Variants in HSF2 observed in about 807,000 individuals in gnomAD.
The protein encoded by HSF2 is heat shock factor protein 2.
A neutral mutation model predicts 65.0 loss-of-function variants in HSF2; 21 were observed. The ratio of observed to expected loss-of-function variants is 0.32; its 90% CI spans 0.23 to 0.47. The LOEUF (loss-of-function observed/expected upper bound fraction) is 0.47, where lower values mean the gene tolerates loss of function less well. Ranked by LOEUF, HSF2 falls within the 20% of genes least tolerant of loss-of-function variation. HSF2 has a pLI of 1.00. For synonymous variants in HSF2, 225 were observed against 219.1 expected (o/e 1.03, Z -0.24); for missense variants, 499 against 628.1 (o/e 0.79, Z 2.20).
intron 7 of HSF2, among the ~76,000 whole-genome samples, chr6:122,421,537 T>A (rs182864509): frequency 6.6e-6 from 1 of 151,984 alleles, no homozygotes; most frequent in Non-Finnish European, 1.5e-5. Context: ...GAATTTATAG[T>A]TTTTTGCATT....
intron 11 of HSF2, among the ~76,000 whole-genome samples, chr6:122,429,932 G>T (rs1322546470): frequency 6.6e-6 from 1 of 152,064 alleles, no homozygotes; most frequent in African/African-American, 2.4e-5. Context: ...GAGGATTTTC[G>T]CATTGATGTT....
intron 10 of HSF2, 151 bp from the exon 11 acceptor site, chr6:122,427,752 T>C (rs1774369122): frequency 4.6e-6 from 2 of 435,962 alleles, no homozygotes; most frequent in Admixed American, 8.6e-5. Context: ...TTTTTCTTTC[T>C]GCTTTTCTCT....
At chr6:122,414,110 A>T (rs1374698892) in intron 4 of HSF2, among the ~76,000 whole-genome samples, 1 of 152,182 alleles carries the variant, frequency 6.6e-6, no homozygotes, top group Non-Finnish European at 1.5e-5. Context: ...TCGGAAAACG[A>T]TGCAGGAGAG....
chr6:122,417,569 T>C (rs1013214047), intron 5 of HSF2, among the ~76,000 whole-genome samples: 5 of 152,148 alleles, frequency 3.3e-5, no homozygotes, highest in Non-Finnish European at 7.4e-5. Context: ...GCTCCTGGAA[T>C]TTACTCTCAG....
chr6:122,400,113 G>A (rs1773691315), intron 1 of HSF2, among the ~76,000 whole-genome samples: 1 of 152,300 alleles, frequency 6.6e-6, no homozygotes, highest in Non-Finnish European at 1.5e-5. Flanking sequence ...GTCCGCGTTC[G>A]GAACCGGCCC....
rs543826325 is a variant in HSF2, at chr6:122,405,712, A to C, written c.93+5882A>C. On this transcript the variant is annotated intron_variant, in intron 1 of 12. Coordinates refer to ENST00000368455, the MANE Select transcript of HSF2 (RefSeq NM_004506.4). ...CCTTTTGCCAGCTGTTTTATAAAAAAAAGTTTAAATAGAACACAGCTATGC... is the reference window on the plus strand; with the variant it reads ...CCTTTTGCCAGCTGTTTTATAAAAACAAGTTTAAATAGAACACAGCTATGC... 2.6e-5 allele frequency among the ~76,000 whole-genome samples: 4 copies of C among 152,340 alleles called. No homozygotes were observed. In the South Asian group the frequency reaches 8.3e-4, roughly 32 times the overall value.
chr6:122,409,398 T>C (rs1209191815), intron 1 of HSF2, among the ~76,000 whole-genome samples: 3 of 151,940 alleles, frequency 2.0e-5, no homozygotes, highest in African/African-American at 7.2e-5. Flanking sequence ...CCAAAAGCAG[T>C]TTTCAGTGAG....
At chr6:122,424,979 C>T (rs928491847) in intron 10 of HSF2, among the ~76,000 whole-genome samples, 2 of 152,030 alleles carry the variant, frequency 1.3e-5, no homozygotes, top group Admixed American at 6.6e-5. Flanking sequence ...TACTCTCATT[C>T]TCTCATAAGT....
Position 122,422,251 on chromosome 6 carries a change from C to T in HSF2, c.783C>T (p.Ile261=). ...ATGATAATGCAGATGAAGAAAATAT[C>T]CCAGTTATTCCAGAAACTAATGAGG... is the stretch of plus-strand genomic sequence containing the variant. The part of the protein sequence containing the change: ...VTDDNADEEN[I]PVIPETNEDV... The change falls in exon 8 of 13, where the codon ATC becomes ATT. Residue 261 remains isoleucine (I), a synonymous_variant. Coordinates refer to ENST00000368455, the MANE Select transcript of HSF2 (RefSeq NM_004506.4). 6.3e-7 allele frequency: 1 copy of T among 1,598,862 alleles called. No homozygotes were observed. Among genetic ancestry groups the T allele is most frequent in the South Asian group, 1.1e-5 (1 of 90,548 alleles).
chr6:122,399,642 C>A, upstream of HSF2: 2 of 964,082 alleles, frequency 2.1e-6, no homozygotes, highest in Non-Finnish European at 3.2e-6. Flanking sequence ...GCTGCGCCTG[C>A]GTTGTGGGCG....
At chr6:122,399,890 C>T (rs1407026380) in intron 1 of HSF2, 60 bp downstream of exon 1, 1 of 1,286,146 alleles carries the variant, frequency 7.8e-7, no homozygotes, top group Non-Finnish European at 1.1e-6. Flanking sequence ...CACTCGCTCT[C>T]CTGCGGGGTG....
At chr6:122,412,925 A>C (rs1187857101) in intron 3 of HSF2, among the ~76,000 whole-genome samples, 161 bp downstream of exon 3, 1 of 151,466 alleles carries the variant, frequency 6.6e-6, no homozygotes, top group African/African-American at 2.4e-5. Flanking sequence ...TTTTTTCCTA[A>C]GTTAGCTTAA....
Position 122,399,668 on chromosome 6 carries a change from T to TGCTGTAGCTGCC in HSF2, c.-68_-67insTGTAGCTGCCGC, listed in dbSNP as rs1554207206. ...GTTGTGGGCGTTCTCGGGGAGCTGCTGCCGTAGCTGCCGCCGCCGCTACCA... is the reference window on the plus strand; with the variant it reads ...GTTGTGGGCGTTCTCGGGGAGCTGCTGCTGTAGCTGCCGCCGTAGCTGCCGCCGCCGCTACCA... On this transcript the variant is annotated 5_prime_UTR_variant, in exon 1 of 13. Transcript: ENST00000368455. The TGCTGTAGCTGCC allele has an allele frequency of 1.6e-6, 2 of 1,238,826 alleles. No homozygotes were observed. The highest frequency in any genetic ancestry group is 1.5e-5 in the African/African-American group (1 of 66,056). 76.7% of individuals were successfully genotyped at this position (1,238,826 alleles called of 1,614,324 possible).
intron 1 of HSF2, among the ~76,000 whole-genome samples, chr6:122,401,616 A>T (rs1165023020): frequency 2.0e-5 from 3 of 152,212 alleles, no homozygotes; most frequent in African/African-American, 7.2e-5. Context: ...CAAGCCACTT[A>T]ACCATTTTTT....
chr6:122,402,538 A>G (rs1773760434), intron 1 of HSF2, among the ~76,000 whole-genome samples: 1 of 151,852 alleles, frequency 6.6e-6, no homozygotes, highest in Non-Finnish European at 1.5e-5. Flanking sequence ...AGTGGCAGAG[A>G]CTATATCACA....
chr6:122,405,706 TA>T (rs1030288513), intron 1 of HSF2, among the ~76,000 whole-genome samples: 1 of 151,998 alleles, frequency 6.6e-6, no homozygotes, highest in Non-Finnish European at 1.5e-5. Flanking sequence ...AGCTGTTTTA[TA>T]AAAAAAAGTT....
At chr6:122,405,257 A>T (rs975975817) in intron 1 of HSF2, among the ~76,000 whole-genome samples, 12 of 122,634 alleles carry the variant, frequency 9.8e-5, no homozygotes, top group Non-Finnish European at 1.8e-4. Flanking sequence ...CCTGTCTCTT[A>T]AAAAAAAAAA....
chr6:122,422,233 T>C lies in HSF2; in HGVS notation c.765T>C (p.Asn255=). 2.5e-6 allele frequency: 4 copies of C among 1,596,870 alleles called. No individual in the cohort carries two copies. The highest frequency in any genetic ancestry group is 3.4e-6 in the Non-Finnish European group (4 of 1,164,944). Residue 255 remains asparagine, a synonymous_variant, in exon 8 of 13, where the codon AAT becomes AAC. Coordinates refer to ENST00000368455, the MANE Select transcript of HSF2 (RefSeq NM_004506.4). The part of the protein sequence containing the change: ...DIIIYDVTDD[N]ADEENIPVIP... ...TTATTTATGATGTTACTGATGATAA[T>C]GCAGATGAAGAAAATATCCCAGTTA... is the stretch of plus-strand genomic sequence containing the variant.
chr6:122,404,059 T>G (rs888414840), intron 1 of HSF2, among the ~76,000 whole-genome samples: 2 of 152,202 alleles, frequency 1.3e-5, no homozygotes, highest in Non-Finnish European at 2.9e-5. Flanking sequence ...TCAGATTGTT[T>G]GAGAAAATGA....
Sources: allele counts gnomAD v4.1 joint callset (sites outside exome capture counted in the v4.1 genomes callset), GRCh38; gene constraint gnomAD v4.1.1; transcripts MANE v1.5; gene names NCBI Gene and HGNC (gene_info 2026-07-23, HGNC 2026-07-21).